Variants in CHEK2 observed in about 807,000 individuals in gnomAD.
CHEK2 encodes the protein checkpoint kinase 2, also known as serine/threonine-protein kinase Chk2.
In CHEK2, 71 loss-of-function variants were observed where a neutral mutation model predicts 69.1. The ratio of observed to expected loss-of-function variants is 1.03; its 90% confidence interval spans 0.85 to 1.25. The LOEUF is 1.25. Ranked by LOEUF, CHEK2 falls within the 50% of genes most tolerant of loss-of-function variation. CHEK2 has a pLI of 0.00. For missense variants in CHEK2, 664 were observed against 649.6 expected (o/e 1.02, Z -0.24); for synonymous variants, 189 against 226.9 (o/e 0.83, Z 1.50).
chr22:28,705,840 C>T (rs187516225), intron 7 of CHEK2, among the ~76,000 whole-genome samples: 163 of 151,972 alleles, frequency 1.1e-3, no homozygotes, highest in African/African-American at 3.9e-3. Flanking sequence ...ACAGGAGAAT[C>T]GCTTGTACCT....
rs767758092 is a variant in CHEK2 at position 28,734,434 on chromosome 22, T to C, written c.288A>G (p.Leu96=). 5.0e-6 allele frequency: 8 copies of C among 1,613,768 alleles called. No individual in the cohort carries two copies. The highest frequency in any genetic ancestry group is 2.2e-5 in the East Asian group (1 of 44,880). ...EEPTPAPWAR[L]WALQDGFANL... is the part of the protein sequence containing the mutation. ...TGGCAAATCCATCCTGAAGGGCCCA[T>C]AATCGAGCCCAGGGGGCAGGGGTAG... is the stretch of plus-strand genomic sequence containing the variant. The change falls in exon 2 of 15, where the codon TTA becomes TTG. Residue 96 remains leucine, a synonymous_variant. Coordinates refer to ENST00000404276, the MANE Select transcript of CHEK2 (RefSeq NM_007194.4).
At chr22:28,729,540 CAAAAAAA>C (rs58149342) in intron 2 of CHEK2, among the ~76,000 whole-genome samples, 13 of 83,076 alleles carry the variant, frequency 1.6e-4, no homozygotes, top group East Asian at 7.1e-4. Flanking sequence ...GACTCCATCT[CAAAAAAA>C]AAAAAAAAAA....
At chr22:28,690,702 C>T (rs1180082797) in intron 13 of CHEK2, among the ~76,000 whole-genome samples, 1 of 151,718 alleles carries the variant, frequency 6.6e-6, no homozygotes, top group Non-Finnish European at 1.5e-5. Flanking sequence ...ACTTGGGAGG[C>T]TGGGGCAGGA....
Position 28,725,188 on chromosome 22 carries a change from A to G in CHEK2, c.444+55T>C, listed in dbSNP as rs761355375. 6 of 1,613,940 alleles carry G rather than the reference A, an allele frequency of 3.7e-6. No individual in the cohort carries two copies. The South Asian group carries it at 5.5e-5, about 15-fold the overall frequency. On this transcript the variant is annotated intron_variant, in intron 3 of 14. Transcript: ENST00000404276. The stretch of plus-strand genomic sequence containing the variant: ...AGAGATTTATAGTGGGAAAATATCT[A>G]AAAACAATGACCAAATTACCAGCTC...
At position 28,724,691 on chromosome 22, in the gene CHEK2, C is replaced by T. The variant is rs533254635; in HGVS notation, c.592+286G>A. ...AAGCGATTCTCCTGCCTCAGCCTCC[C>T]GAATAGCTGGGATTACAGGCATGCA... is the stretch of plus-strand genomic sequence containing the variant. On this transcript the variant is annotated intron_variant, in intron 4 of 14. Transcript: ENST00000404276. 44 of 401,968 alleles carry T rather than the reference C, an allele frequency of 1.1e-4. No homozygotes were observed. The East Asian group carries it at 2.4e-3, about 22-fold the overall frequency. 24.9% of individuals were successfully genotyped at this position (401,968 alleles called of 1,614,324 possible).
chr22:28,691,830 G>A (rs3859887), intron 13 of CHEK2, among the ~76,000 whole-genome samples: 87,380 of 152,062 alleles, frequency 0.57, 26,068 homozygotes, highest in South Asian at 0.74. Flanking sequence ...CTCTGTTAAT[G>A]ACAAAACAGA....
intron 13 of CHEK2, among the ~76,000 whole-genome samples, chr22:28,691,757 T>C (rs2052373153): frequency 1.3e-5 from 2 of 152,184 alleles, no homozygotes; most frequent in Non-Finnish European, 2.9e-5. Context: ...GAAGAAATCC[T>C]CTATTTCAGG....
intron 13 of CHEK2, chr22:28,689,437 C>T: frequency 3.9e-6 from 2 of 519,060 alleles, no homozygotes; most frequent in East Asian, 3.8e-5. Flanking sequence ...GGCTGACTCA[C>T]ATCCACATGC....
rs866542645 is a variant in CHEK2, at chr22:28,699,861, A to T, written c.985T>A (p.Tyr329Asn). ...ACCTGCACAGCCAAGAGCATCTGGTAAAAATAGAGCTTGCAGGTAGCTTCT... is the reference window on the plus strand; with the variant it reads ...ACCTGCACAGCCAAGAGCATCTGGTTAAAATAGAGCTTGCAGGTAGCTTCT... ...LKEATCKLYF[Y>N]QMLLAVQYLH... is the part of the protein sequence containing the mutation. Residue 329 changes from tyrosine to asparagine, a missense_variant, in exon 9 of 15, where the codon TAC becomes AAC. By Grantham distance (143) the Tyr-to-Asn change is moderately radical. Transcript: ENST00000404276. The T allele has an allele frequency of 6.2e-7, 1 of 1,613,742 alleles. No individual in the cohort carries two copies. Among genetic ancestry groups the T allele is most frequent in the Non-Finnish European group, 8.5e-7 (1 of 1,179,624 alleles).
chr22:28,695,549 C>T (rs1443359996), intron 11 of CHEK2, among the ~76,000 whole-genome samples, 161 bp downstream of exon 11: 7 of 152,036 alleles, frequency 4.6e-5, no homozygotes, highest in African/African-American at 1.4e-4. Context: ...CCCAGCTACT[C>T]GGGAGGCTGA....
At position 28,697,085 on chromosome 22, in the gene CHEK2, G is replaced by A. The variant is rs564832288; in HGVS notation, c.1009-98C>T. Reference sequence around the variant, plus strand: ...ACACATCTCACAGCTGGGTGAAACCGTAAGCCGTGATACACACAACCATAT... The same window carrying A: ...ACACATCTCACAGCTGGGTGAAACCATAAGCCGTGATACACACAACCATAT... On this transcript the variant is annotated intron_variant, in intron 9 of 14. Coordinates refer to ENST00000404276, the MANE Select transcript of CHEK2 (RefSeq NM_007194.4). The A allele has an allele frequency of 1.0e-4, 79 of 776,574 alleles. No individual in the cohort carries two copies. The East Asian group carries it at 1.2e-3, about 12-fold the overall frequency. 48.1% of individuals were successfully genotyped at this position (776,574 alleles called of 1,614,324 possible).
At chr22:28,732,105 C>T (rs1035935578) in intron 2 of CHEK2, among the ~76,000 whole-genome samples, 23 of 151,634 alleles carry the variant, frequency 1.5e-4, no homozygotes, top group African/African-American at 5.3e-4. Context: ...CAACGCCCCG[C>T]AAATTTTTTT....
At chr22:28,733,342 G>C (rs2054273049) in intron 2 of CHEK2, among the ~76,000 whole-genome samples, 1 of 152,162 alleles carries the variant, frequency 6.6e-6, no homozygotes, top group Admixed American at 6.5e-5. Context: ...TTGCAAGTTT[G>C]AGTGAATCTG....
chr22:28,719,489 AG>A lies in CHEK2; in HGVS notation c.593-5del. Reference sequence around the variant, plus strand: ...GTCAGATCAAAAAAGACAAAAACTAAGGAAGAAAAGAGTAGAAATGGGTTTC... The same window carrying A: ...GTCAGATCAAAAAAGACAAAAACTAAGAAGAAAAGAGTAGAAATGGGTTTC... On this transcript the variant is annotated splice_polypyrimidine_tract_variant and splice_region_variant and intron_variant, in intron 4 of 14. Coordinates refer to ENST00000404276, the MANE Select transcript of CHEK2 (RefSeq NM_007194.4). The A allele has an allele frequency of 6.5e-7, 1 of 1,544,952 alleles. No individual in the cohort carries two copies. Among genetic ancestry groups the A allele is most frequent in the Non-Finnish European group, 8.9e-7 (1 of 1,126,604 alleles).
At chr22:28,714,159 C>T (rs1189367574) in intron 5 of CHEK2, among the ~76,000 whole-genome samples, 1 of 152,330 alleles carries the variant, frequency 6.6e-6, no homozygotes, top group African/African-American at 2.4e-5. Context: ...ACAGTGGCTA[C>T]ATCATTTTAC....
intron 9 of CHEK2, among the ~76,000 whole-genome samples, chr22:28,697,318 A>G (rs189822221): frequency 6.2e-4 from 94 of 152,332 alleles, no homozygotes; most frequent in Non-Finnish European, 9.6e-4. Context: ...TTGAGAACAT[A>G]CCAAATAAAC....
intron 5 of CHEK2, among the ~76,000 whole-genome samples, chr22:28,717,175 G>A (rs1337134728): frequency 6.6e-6 from 1 of 151,846 alleles, no homozygotes; most frequent in African/African-American, 2.4e-5. Flanking sequence ...TCAGGAGATC[G>A]AGACCATCCT....
In CHEK2 at chr22:28,721,678, C is replaced by G. The variant is rs190765724; in HGVS notation, c.593-2193G>C. The G allele has an allele frequency of 3.0e-3, 1,361 of 446,520 alleles. 2 individuals are homozygous for G. Among genetic ancestry groups the G allele is most frequent in the Non-Finnish European group, 4.5e-3 (996 of 219,000 alleles). 27.7% of individuals were successfully genotyped at this position (446,520 alleles called of 1,614,324 possible). On this transcript the variant is annotated intron_variant, in intron 4 of 14. Transcript: ENST00000404276. The stretch of plus-strand genomic sequence containing the variant: ...ATATGTGAGGTAATGCATGTTAGCT[C>G]AAATTAGTCATTCTACAATGTATAC...
intron 1 of CHEK2, 73 bp downstream of exon 1, chr22:28,741,696 T>G: frequency 4.2e-6 from 1 of 235,520 alleles, no homozygotes; most frequent in Non-Finnish European, 8.6e-6. Context: ...CTCAGGAGAC[T>G]CCGTTCGCAC....
Sources: gnomAD v4.1 joint callset for allele counts (sites outside exome capture counted in the v4.1 genomes callset) on GRCh38, gnomAD v4.1.1 for gene constraint, MANE v1.5 for transcripts, NCBI Gene and HGNC (gene_info 2026-07-23, HGNC 2026-07-21) for gene names.